TSPAN8: variants seen among roughly 807,000 people sequenced by gnomAD.
TSPAN8 encodes tetraspanin-8.
In TSPAN8, 21 loss-of-function variants were observed where a neutral mutation model predicts 32.8. The observed-to-expected ratio is 0.64, with a 90% CI of 0.45 to 0.92. The LOEUF (loss-of-function observed/expected upper bound fraction) is 0.92. Among genes scored for constraint, TSPAN8 ranks in the 40% least tolerant of loss-of-function variants. The pLI is 0.00. For missense variants in TSPAN8, 269 were observed against 281.9 expected (o/e 0.95, Z 0.33); for synonymous variants, 95 against 94.6 (o/e 1.00, Z -0.03).
At chr12:71,153,107 G>C (rs1410385999) in intron 2 of TSPAN8, among the ~76,000 whole-genome samples, 1 of 151,994 alleles carries the variant, frequency 6.6e-6, no homozygotes, top group East Asian at 1.9e-4. Flanking sequence ...CTCTGTCTCT[G>C]GTCATTATTC....
intron 7 of TSPAN8, 88 bp downstream of exon 7, chr12:71,132,605 C>A: frequency 7.0e-7 from 1 of 1,428,718 alleles, no homozygotes; most frequent in South Asian, 1.3e-5. Flanking sequence ...CCATGGTACT[C>A]CATGCATTTT....
intron 2 of TSPAN8, among the ~76,000 whole-genome samples, chr12:71,149,515 C>T (rs1458640957): frequency 1.3e-5 from 2 of 152,188 alleles, no homozygotes; most frequent in Non-Finnish European, 2.9e-5. Flanking sequence ...TTTTAGCAGA[C>T]TCTGCAATCA....
chr12:71,129,080 C>T (rs141723947), intron 8 of TSPAN8, among the ~76,000 whole-genome samples: 68 of 152,126 alleles, frequency 4.5e-4, no homozygotes, highest in Middle Eastern at 3.4e-3. Context: ...ATCTTTTTCC[C>T]GGTAGAGAGG....
chr12:71,137,095 AC>A (rs1871722510), intron 6 of TSPAN8, among the ~76,000 whole-genome samples: 1 of 151,876 alleles, frequency 6.6e-6, no homozygotes, highest in Non-Finnish European at 1.5e-5. Context: ...ACATAGTAAG[AC>A]CCCTCTCTCT....
In TSPAN8 at chr12:71,132,694, T is replaced by A. The variant is rs143898955; in HGVS notation, c.575A>T (p.Glu192Val). 475 of 1,613,654 alleles carry A rather than the reference T, an allele frequency of 2.9e-4. 2 individuals are homozygous for A. Among genetic ancestry groups the A allele is most frequent in the Middle Eastern group, 8.3e-4 (5 of 6,054 alleles). ...QSYNGKQVYK[E>V]TCISFIKDFL... ...TACCAAATGTGATTTAGTTCTCACCTCTTTGTAAACTTGTTTTCCATTATA... is the reference window on the plus strand; with the variant it reads ...TACCAAATGTGATTTAGTTCTCACCACTTTGTAAACTTGTTTTCCATTATA... The change falls in exon 7 of 9, where the codon GAG (glutamate) becomes GTG (valine). Residue 192 changes from glutamate (E) to valine (V), a missense_variant and splice_region_variant. Glu to Val is a moderately radical substitution (Grantham distance 121). Transcript: ENST00000247829.
At chr12:71,149,560 C>A (rs866352490) in intron 2 of TSPAN8, among the ~76,000 whole-genome samples, 4 of 152,204 alleles carry the variant, frequency 2.6e-5, no homozygotes, top group African/African-American at 9.6e-5. Context: ...CATATTGTTG[C>A]AGGAAGTCAG....
intron 2 of TSPAN8, among the ~76,000 whole-genome samples, chr12:71,156,135 G>A (rs1281072568): frequency 1.3e-5 from 2 of 151,580 alleles, no homozygotes; most frequent in East Asian, 3.9e-4. Flanking sequence ...TATGGGGTGG[G>A]GGAAGTGAAT....
At chr12:71,156,355 A>C (rs1872442014) in intron 2 of TSPAN8, among the ~76,000 whole-genome samples, 1 of 151,844 alleles carries the variant, frequency 6.6e-6, no homozygotes, top group South Asian at 2.1e-4. Flanking sequence ...TGTTTAATCA[A>C]TTTAAGTATC....
chr12:71,140,859 G>A (rs1871881138), intron 3 of TSPAN8, among the ~76,000 whole-genome samples: 1 of 152,186 alleles, frequency 6.6e-6, no homozygotes, highest in Non-Finnish European at 1.5e-5. Flanking sequence ...TCTAGATAGA[G>A]CACTAGTTCC....
chr12:71,137,981 T>C lies in TSPAN8; in HGVS notation c.416A>G (p.Gln139Arg), dbSNP rs1871764022. The change falls in exon 6 of 9, where the codon CAG becomes CGG. Residue 139 changes from glutamine (Q) to arginine (R), a missense_variant. Gln to Arg is a conservative substitution (Grantham distance 43). Transcript: ENST00000247829. ...SATGESEKQFQEAIIVFQEEF... is the reference protein window; with the variant it reads ...SATGESEKQFREAIIVFQEEF... ...TTCTTGAAACACAATTATGGCTTCCTGGAATTGTTTTTCACTTTCCCCTGT... is the reference window on the plus strand; with the variant it reads ...TTCTTGAAACACAATTATGGCTTCCCGGAATTGTTTTTCACTTTCCCCTGT... The C allele has an allele frequency of 1.9e-6, 3 of 1,613,616 alleles. No homozygotes were observed. Among genetic ancestry groups the C allele is most frequent in the Non-Finnish European group, 1.7e-6 (2 of 1,179,920 alleles).
intron 2 of TSPAN8, among the ~76,000 whole-genome samples, chr12:71,149,857 G>A (rs1592409750): frequency 6.6e-6 from 1 of 152,150 alleles, no homozygotes; most frequent in East Asian, 1.9e-4. Context: ...AGGGAACAAG[G>A]GAAGACAACC....
At chr12:71,154,269 C>T (rs182940919) in intron 2 of TSPAN8, among the ~76,000 whole-genome samples, 9 of 150,996 alleles carry the variant, frequency 6.0e-5, no homozygotes, top group East Asian at 3.9e-4. Flanking sequence ...GAGATCATGC[C>T]GCTGTATTCC....
intron 2 of TSPAN8, among the ~76,000 whole-genome samples, chr12:71,150,295 C>T (rs1264862345): frequency 6.6e-6 from 1 of 152,160 alleles, no homozygotes; most frequent in Admixed American, 6.5e-5. Context: ...TTTGCTTTTG[C>T]CCTTTGCCTT....
At chr12:71,153,821 G>T (rs1872333171) in intron 2 of TSPAN8, among the ~76,000 whole-genome samples, 1 of 152,066 alleles carries the variant, frequency 6.6e-6, no homozygotes, top group Admixed American at 6.5e-5. Flanking sequence ...GTTATCACTG[G>T]TTTTTATAAT....
At chr12:71,147,059 G>C (rs1011278389) in intron 2 of TSPAN8, among the ~76,000 whole-genome samples, 1 of 152,038 alleles carries the variant, frequency 6.6e-6, no homozygotes, top group Non-Finnish European at 1.5e-5. Context: ...CAGTTGGCTG[G>C]CACCTTAATC....
In TSPAN8 at chr12:71,139,734, C is replaced by G; in HGVS notation, c.238G>C (p.Glu80Gln). ...ACCAACAGAAGCATGCAGCGACTTT[C>G]TTTTATAGCACCGCAGCATCCCAGG... Reference protein sequence around the residue: ...GFLGCCGAIKESRCMLLLFFI... With the variant: ...GFLGCCGAIKQSRCMLLLFFI... The change falls in exon 4 of 9, where the codon GAA becomes CAA. Residue 80 changes from glutamate to glutamine, a missense_variant. Glu to Gln is a conservative substitution (Grantham distance 29). Transcript: ENST00000247829. The G allele has an allele frequency of 6.2e-7, 1 of 1,613,810 alleles. No homozygotes were observed. The highest frequency in any genetic ancestry group is 1.1e-5 in the South Asian group (1 of 91,066).
chr12:71,129,415 C>T lies in TSPAN8; in HGVS notation c.577-1G>A. 1 of 1,542,280 alleles carries T rather than the reference C, an allele frequency of 6.5e-7. No homozygotes were observed. The highest frequency in any genetic ancestry group is 8.7e-7 in the Non-Finnish European group (1 of 1,149,362). Reference sequence around the variant, plus strand: ...AGTCTTTTATGAAAGAAATACAGGTCTGTTAAAAAAAAAAAACATTAAAAG... The same window carrying T: ...AGTCTTTTATGAAAGAAATACAGGTTTGTTAAAAAAAAAAAACATTAAAAG... On this transcript the variant is annotated splice_acceptor_variant, in intron 7 of 8. Transcript: ENST00000247829. LOFTEE classifies it high-confidence loss of function.
At chr12:71,138,791 AG>A (rs1871797552) in intron 4 of TSPAN8, among the ~76,000 whole-genome samples, 1 of 152,208 alleles carries the variant, frequency 6.6e-6, no homozygotes, top group Non-Finnish European at 1.5e-5. Context: ...AAAAGCAATC[AG>A]TAGGAATGTT....
chr12:71,157,936 A>G lies in TSPAN8; in HGVS notation c.-116T>C. The G allele has an allele frequency of 2.2e-6, 1 of 445,558 alleles. No individual in the cohort carries two copies. The highest frequency in any genetic ancestry group is 3.6e-5 in the Admixed American group (1 of 27,644). 27.6% of individuals were successfully genotyped at this position (445,558 alleles called of 1,614,324 possible). The stretch of plus-strand genomic sequence containing the variant: ...TCAAAGGCTATTAACTCACACATTT[A>G]AATATCGCAAAGGCTATCTCCAGGC... On this transcript the variant is annotated 5_prime_UTR_variant, in exon 1 of 9. It removes the in-frame stop codon of an upstream open reading frame in the 5' UTR. Coordinates refer to ENST00000247829, the MANE Select transcript of TSPAN8 (RefSeq NM_004616.3).
Sources: gnomAD v4.1 joint callset for allele counts (sites outside exome capture counted in the v4.1 genomes callset) on GRCh38, gnomAD v4.1.1 for gene constraint, MANE v1.5 for transcripts, NCBI Gene and HGNC (gene_info 2026-07-23, HGNC 2026-07-21) for gene names.